Variants in PARVB observed in about 807,000 individuals in gnomAD.
PARVB encodes the protein parvin beta, also known as beta-parvin.
PARVB carries 46 observed loss-of-function variants against 47.0 expected under a neutral mutation model. The ratio of observed to expected loss-of-function variants is 0.98; its 90% CI spans 0.77 to 1.25. The LOEUF (loss-of-function observed/expected upper bound fraction) is 1.25, where lower values mean the gene tolerates loss of function less well. Ranked by LOEUF, PARVB falls within the 50% of genes most tolerant of loss-of-function variation. PARVB has a pLI of 0.00. For missense variants in PARVB, 473 were observed against 471.6 expected, an observed-to-expected ratio of 1.00 and a Z score of -0.03; for synonymous variants, 196 against 196.3, an observed-to-expected ratio of 1.00 and a Z score of 0.01.
chr22:44,094,941 ACGTGGCGTGGCGTGGTATGGTGTGG>A (rs2052264519), intron 2 of PARVB, among the ~76,000 whole-genome samples: 1 of 151,088 alleles, frequency 6.6e-6, no homozygotes, highest in Admixed American at 6.6e-5. Flanking sequence ...CTTCCACACC[ACGTGGCGTGGCGTGGTATGGTGTGG>A]CGTGGCGTGG....
At chr22:44,007,328 G>C (rs1397475032) in intron 2 of PARVB, among the ~76,000 whole-genome samples, 1 of 152,204 alleles carries the variant, frequency 6.6e-6, no homozygotes, top group Non-Finnish European at 1.5e-5. Context: ...TTCCCGTGCT[G>C]CTTTGCAGTT....
chr22:44,029,159 A>G (rs752924594), intron 1 of PARVB, among the ~76,000 whole-genome samples: 2 of 151,598 alleles, frequency 1.3e-5, no homozygotes, highest in Admixed American at 6.6e-5. Flanking sequence ...TAATTTTTCT[A>G]TTTTTTGTAG....
At chr22:44,146,175 A>C (rs2053664045) in intron 8 of PARVB, 1 of 139,948 alleles carries the variant, frequency 7.1e-6, no homozygotes, top group Non-Finnish European at 1.5e-5. Flanking sequence ...ACACACGCTC[A>C]CACCGCACAC....
At position 44,133,096 on chromosome 22, in the gene PARVB, T is replaced by A. The variant is rs2053365995; in HGVS notation, c.633+87T>A. On this transcript the variant is annotated intron_variant, in intron 6 of 12. Transcript: ENST00000338758. ...TGCAGTTTTCCTGCCCTCCCCCTCC[T>A]TTTTTCCCCCCAGGAGGCTACCTTC... 9.0e-6 allele frequency: 7 copies of A among 780,892 alleles called. No individual in the cohort carries two copies. The South Asian group carries it at 1.1e-4, about 12-fold the overall frequency. The allele number at this position is 780,892 out of a possible 1,614,324, so 48.4% of individuals were successfully genotyped here. A position where few individuals can be genotyped will look rare whatever the true frequency, so the allele number is the denominator to read the frequency against.
At chr22:44,133,477 C>T (rs1258571950) in intron 6 of PARVB, among the ~76,000 whole-genome samples, 2 of 152,178 alleles carry the variant, frequency 1.3e-5, no homozygotes, top group Admixed American at 6.5e-5. Flanking sequence ...GAACCCAGGT[C>T]CTTCTAACAG....
chr22:44,004,215 C>T (rs1337738725), intron 2 of PARVB, among the ~76,000 whole-genome samples: 1 of 152,234 alleles, frequency 6.6e-6, no homozygotes, highest in African/African-American at 2.4e-5. Context: ...GAAAAGGGAG[C>T]CTGGGTACCC....
chr22:44,039,942 G>A (rs781080942), intron 1 of PARVB: 2 of 445,060 alleles, frequency 4.5e-6, no homozygotes, highest in Non-Finnish European at 9.0e-6. Flanking sequence ...AGCCTCCCAA[G>A]GAGCGAGGAC....
chr22:44,028,108 C>T (rs559467445), intron 1 of PARVB, among the ~76,000 whole-genome samples: 28 of 152,144 alleles, frequency 1.8e-4, no homozygotes, highest in Admixed American at 9.2e-4. Context: ...AACGCTGAGA[C>T]ATCATTATCT....
intron 12 of PARVB, among the ~76,000 whole-genome samples, 184 bp downstream of exon 12, chr22:44,164,114 C>T (rs997409786): frequency 3.3e-5 from 5 of 152,208 alleles, no homozygotes; most frequent in African/African-American, 1.2e-4. Flanking sequence ...AGGAGGACTT[C>T]GCTGGTGGAG....
rs371874839 is a variant in PARVB, at chr22:44,064,803, G to A, written c.113-29125G>A. Reference sequence around the variant, plus strand: ...CGGGAGGTGGAGGCCACAGCAAGCTGTGATGGCACTAATGCACTTCAGCCT... The same window carrying A: ...CGGGAGGTGGAGGCCACAGCAAGCTATGATGGCACTAATGCACTTCAGCCT... On this transcript the variant is annotated intron_variant, in intron 1 of 12. Coordinates refer to ENST00000338758, the MANE Select transcript of PARVB (RefSeq NM_013327.5). Among the ~76,000 whole-genome samples, 7 of 152,356 alleles carry A rather than the reference G, an allele frequency of 4.6e-5. No individual in the cohort carries two copies. In the South Asian group the frequency reaches 1.2e-3, roughly 27 times the overall value.
chr22:44,015,362 C>T (rs2050565162), intron 2 of PARVB, among the ~76,000 whole-genome samples: 1 of 152,100 alleles, frequency 6.6e-6, no homozygotes, highest in African/African-American at 2.4e-5. Flanking sequence ...ATGCTAAAAA[C>T]TTACATGGGT....
exon 1 of PARVB, chr22:43,999,230 C>G: frequency 1.2e-6 from 1 of 828,488 alleles, no homozygotes; most frequent in South Asian, 1.8e-5. Flanking sequence ...TACACTTTGA[C>G]GTCCTCCCCA....
chr22:44,133,004 G>A lies in PARVB; in HGVS notation c.628G>A (p.Val210Met), dbSNP rs140533181. 8.1e-6 allele frequency: 13 copies of A among 1,610,348 alleles called. No homozygotes were observed. The highest frequency in any genetic ancestry group is 1.1e-5 in the South Asian group (1 of 90,856). Residue 210 changes from valine (V) to methionine (M), a missense_variant, in exon 6 of 13, where the codon GTG (valine) becomes ATG (methionine). Physicochemically the swap from Val to Met is conservative, Grantham distance 21. Transcript: ENST00000338758. ...PEHVTVQVVV[V>M]RKREGLLHSS... ...GCATGTAACGGTGCAGGTGGTGGTCGTGCGGGTGAGTATAACCGAGTGGTC... is the reference window on the plus strand; with the variant it reads ...GCATGTAACGGTGCAGGTGGTGGTCATGCGGGTGAGTATAACCGAGTGGTC...
At position 44,027,172 on chromosome 22, in the gene PARVB, G is replaced by A. The variant is rs150188023; in HGVS notation, c.112+2721G>A. ...CCCCAGGGCTCCCCACAGAAGCTCT[G>A]GGGACGTGAAAGGACAGCGTGTTTC... On this transcript the variant is annotated intron_variant, in intron 1 of 12. Coordinates refer to ENST00000338758, the MANE Select transcript of PARVB (RefSeq NM_013327.5). 2.7e-3 allele frequency among the ~76,000 whole-genome samples: 408 copies of A among 152,270 alleles called. 3 individuals are homozygous for A. The highest frequency in any genetic ancestry group is 8.8e-3 in the African/African-American group (364 of 41,546).
In PARVB at chr22:44,131,539, A is replaced by G. The variant is rs746475838; in HGVS notation, c.429A>G (p.Ile143Met). 1 of 1,614,164 alleles carries G rather than the reference A, an allele frequency of 6.2e-7. No homozygotes were observed. Among genetic ancestry groups the G allele is most frequent in the Admixed American group, 1.7e-5 (1 of 60,018 alleles). ...TGGCTGAGGTGACACAGTCCGAAAT[A>G]GGGCAGAAACAGAAGCTGCAGACGG... Reference protein sequence around the residue: ...LNVAEVTQSEIGQKQKLQTVL... With the variant: ...LNVAEVTQSEMGQKQKLQTVL... Residue 143 changes from isoleucine (I) to methionine (M), a missense_variant, in exon 5 of 13, where the codon ATA becomes ATG. Coordinates refer to ENST00000338758, the MANE Select transcript of PARVB (RefSeq NM_013327.5).
chr22:44,154,545 G>T (rs972626210), intron 10 of PARVB, among the ~76,000 whole-genome samples: 1 of 150,640 alleles, frequency 6.6e-6, no homozygotes, highest in Admixed American at 6.6e-5. Context: ...GTGTGTGTGT[G>T]TGTGTGTGTG....
chr22:44,153,095 A>G (rs560400154), intron 10 of PARVB: 19 of 152,266 alleles, frequency 1.2e-4, no homozygotes, highest in African/African-American at 4.1e-4. Context: ...TTTAATGTAT[A>G]TATTTATTTG....
intron 11 of PARVB, among the ~76,000 whole-genome samples, chr22:44,162,303 G>T (rs948771788): frequency 2.6e-5 from 4 of 152,174 alleles, no homozygotes; most frequent in African/African-American, 7.2e-5. Flanking sequence ...TATGATCGTT[G>T]AAAGGATTTT....
intron 1 of PARVB, among the ~76,000 whole-genome samples, chr22:44,092,629 C>G (rs759000526): frequency 5.9e-5 from 9 of 152,150 alleles, no homozygotes; most frequent in Non-Finnish European, 1.0e-4. Flanking sequence ...GTGCCATGCT[C>G]TGGACTGGAC....
Sources: gnomAD v4.1 joint callset for allele counts (sites outside exome capture counted in the v4.1 genomes callset) on GRCh38, gnomAD v4.1.1 for gene constraint, MANE v1.5 for transcripts, NCBI Gene and HGNC (gene_info 2026-07-23, HGNC 2026-07-21) for gene names.